Variants in CNTN5 observed in about 807,000 individuals in gnomAD.
The protein encoded by CNTN5 is contactin 5.
Under a neutral mutation model 129.1 loss-of-function variants are expected in CNTN5, and 77 were observed. The observed-to-expected ratio is 0.60, with a 90% CI of 0.50 to 0.72. The LOEUF is 0.72. Ranked by LOEUF, CNTN5 falls within the 30% of genes least tolerant of loss-of-function variation. CNTN5 has a pLI of 0.00. For synonymous variants in CNTN5, 509 were observed against 465.6 expected, an observed-to-expected ratio of 1.09 and a Z score of -1.20; for missense variants, 1,478 against 1,328.8, an observed-to-expected ratio of 1.11 and a Z score of -1.75.
At chr11:99,875,672 A>G (rs970510352) in intron 6 of CNTN5, among the ~76,000 whole-genome samples, 4 of 152,028 alleles carry the variant, frequency 2.6e-5, no homozygotes, top group Non-Finnish European at 5.9e-5. Flanking sequence ...ATACCCAAAC[A>G]CTCGACACAT....
chr11:99,167,188 A>G (rs1393785106), intron 1 of CNTN5, among the ~76,000 whole-genome samples: 1 of 151,710 alleles, frequency 6.6e-6, no homozygotes, highest in Non-Finnish European at 1.5e-5. Flanking sequence ...CTCAATCTTA[A>G]CATTCGGATT....
intron 3 of CNTN5, among the ~76,000 whole-genome samples, chr11:99,576,935 G>C (rs1949374390): frequency 6.6e-6 from 1 of 152,118 alleles, no homozygotes; most frequent in African/African-American, 2.4e-5. Context: ...ATGCATTTTG[G>C]AGGGACACAA....
At chr11:99,657,684 C>T (rs886930995) in intron 3 of CNTN5, among the ~76,000 whole-genome samples, 7 of 151,980 alleles carry the variant, frequency 4.6e-5, no homozygotes, top group Non-Finnish European at 1.0e-4. Context: ...TTGCATAGTC[C>T]TGCTGTCAAT....
At chr11:99,313,188 C>T (rs998676812) in intron 1 of CNTN5, among the ~76,000 whole-genome samples, 9 of 151,058 alleles carry the variant, frequency 6.0e-5, no homozygotes, top group South Asian at 2.1e-4. Flanking sequence ...GAAATCAAAT[C>T]GGCTTTAACA....
chr11:100,160,765 T>C (rs1947420015), intron 13 of CNTN5, among the ~76,000 whole-genome samples: 1 of 151,912 alleles, frequency 6.6e-6, no homozygotes, highest in Non-Finnish European at 1.5e-5. Flanking sequence ...GGAATCATGC[T>C]GCGCACTTAA....
At chr11:100,087,788 G>T (rs961938051) in intron 13 of CNTN5, among the ~76,000 whole-genome samples, 14 of 151,794 alleles carry the variant, frequency 9.2e-5, no homozygotes, top group African/African-American at 3.4e-4. Context: ...GAAATCTACA[G>T]AATACTCTAC....
At chr11:100,275,669 C>T (rs1254954903) in intron 18 of CNTN5, among the ~76,000 whole-genome samples, 1 of 152,206 alleles carries the variant, frequency 6.6e-6, no homozygotes, top group Non-Finnish European at 1.5e-5. Context: ...CTACCTCAAT[C>T]ATGTATTGCC....
At chr11:100,289,341 A>G (rs1767489085) in intron 18 of CNTN5, among the ~76,000 whole-genome samples, 1 of 152,130 alleles carries the variant, frequency 6.6e-6, no homozygotes, top group Admixed American at 6.5e-5. Context: ...CTTGATGAAC[A>G]TTGATACAAA....
chr11:99,874,061 A>T (rs1948572831), intron 6 of CNTN5, among the ~76,000 whole-genome samples: 1 of 152,054 alleles, frequency 6.6e-6, no homozygotes, highest in South Asian at 2.1e-4. Flanking sequence ...GGAACTCTGA[A>T]AGAGGGAGGA....
intron 13 of CNTN5, among the ~76,000 whole-genome samples, chr11:100,091,693 C>G (rs140543684): frequency 0.092 from 14,009 of 152,008 alleles, 808 homozygotes; most frequent in East Asian, 0.18. Flanking sequence ...TACCAAAGTG[C>G]TGGGATTACA....
chr11:99,318,728 G>A (rs1467080483), intron 1 of CNTN5, among the ~76,000 whole-genome samples: 1 of 152,034 alleles, frequency 6.6e-6, no homozygotes, highest in Non-Finnish European at 1.5e-5. Context: ...GAGCAGGTTT[G>A]GTACCAGACA....
At chr11:99,969,231 C>T (rs118088529) in intron 8 of CNTN5, among the ~76,000 whole-genome samples, 2,899 of 152,186 alleles carry the variant, frequency 0.019, 49 homozygotes, top group Middle Eastern at 0.034. Flanking sequence ...TAACAAATAA[C>T]AAGATGAATT....
chr11:99,951,751 C>T (rs569615291), intron 7 of CNTN5, among the ~76,000 whole-genome samples: 1 of 152,086 alleles, frequency 6.6e-6, no homozygotes, highest in South Asian at 2.1e-4. Context: ...AATAGAGACT[C>T]AGTGTCTCTA....
intron 3 of CNTN5, among the ~76,000 whole-genome samples, chr11:99,578,129 T>A (rs1270748808): frequency 6.6e-6 from 1 of 152,076 alleles, no homozygotes; most frequent in Non-Finnish European, 1.5e-5. Flanking sequence ...GTTTCCAGTT[T>A]CATCCATGTC....
intron 9 of CNTN5, among the ~76,000 whole-genome samples, chr11:100,036,098 C>T (rs1316334580): frequency 3.9e-5 from 6 of 151,998 alleles, no homozygotes; most frequent in Admixed American, 6.6e-5. Flanking sequence ...TTTATGGTTT[C>T]AGCTCTAACA....
intron 1 of CNTN5, among the ~76,000 whole-genome samples, chr11:99,282,535 G>A (rs1422439587): frequency 6.6e-6 from 1 of 151,994 alleles, no homozygotes; most frequent in African/African-American, 2.4e-5. Flanking sequence ...GTAAAGAAAT[G>A]AAGATTATGG....
Position 99,249,966 on chromosome 11 carries a change from T to C in CNTN5, c.-209-75380T>C, listed in dbSNP as rs563991814. Among the ~76,000 whole-genome samples the C allele has an allele frequency of 2.0e-4, 30 of 152,122 alleles. No individual in the cohort carries two copies. The South Asian group carries it at 6.0e-3, about 30-fold the overall frequency. On this transcript the variant is annotated intron_variant, in intron 1 of 24. Transcript: ENST00000524871. ...CATCCTGAGAAGAGTTGTTTGAGCT[T>C]TTTTGTTATATAATAAGGAAAATAT... is the stretch of plus-strand genomic sequence containing the variant.
intron 2 of CNTN5, among the ~76,000 whole-genome samples, chr11:99,368,766 G>A (rs1408480392): frequency 6.6e-6 from 1 of 152,052 alleles, no homozygotes; most frequent in Non-Finnish European, 1.5e-5. Flanking sequence ...GATTTGTGTT[G>A]CCAAAGCAAA....
In CNTN5 at chr11:99,512,372, C is replaced by T. The variant is rs1431083970; in HGVS notation, c.-70-43773C>T. On this transcript the variant is annotated intron_variant, in intron 2 of 24. Transcript: ENST00000524871. ...CTAGGATTGTAGTAATCTATACCAC[C>T]CAGGTTCGTTAAAGTATATTTATGA... Among the ~76,000 whole-genome samples the T allele has an allele frequency of 3.9e-5, 6 of 152,084 alleles. No individual in the cohort carries two copies. In the East Asian group the frequency reaches 1.2e-3, roughly 29 times the overall value.
Sources: gnomAD v4.1 joint callset for allele counts (sites outside exome capture counted in the v4.1 genomes callset) on GRCh38, gnomAD v4.1.1 for gene constraint, MANE v1.5 for transcripts, NCBI Gene and HGNC (gene_info 2026-07-23, HGNC 2026-07-21) for gene names.